Variants in MAP4K4 observed in about 807,000 individuals in gnomAD.
MAP4K4 encodes the protein HPK/GCK-like kinase HGK.
In MAP4K4, 38 loss-of-function variants were observed where a neutral mutation model predicts 189.6. The observed-to-expected ratio is 0.20, with a 90% CI of 0.15 to 0.26. The LOEUF (loss-of-function observed/expected upper bound fraction) is 0.26, where lower values mean the gene tolerates loss of function less well. Ranked by LOEUF, MAP4K4 falls within the 10% of genes least tolerant of loss-of-function variation. MAP4K4 has a pLI of 1.00. For missense variants in MAP4K4, 1,054 were observed against 1,726.9 expected (o/e 0.61, Z 6.91); for synonymous variants, 610 against 624.3 (o/e 0.98, Z 0.34).
Position 101,808,805 on chromosome 2 carries a change from T to TG in MAP4K4, c.181-15122dup, listed in dbSNP as rs2095218863. 2.6e-5 allele frequency among the ~76,000 whole-genome samples: 4 copies of TG among 152,186 alleles called. No homozygotes were observed. The South Asian group carries it at 8.3e-4, about 32-fold the overall frequency. On this transcript the variant is annotated intron_variant, in intron 3 of 32. Coordinates refer to ENST00000324219, the Ensembl canonical transcript of MAP4K4. ...TATATTTTTTTAGTTTCATTGTGTG[T>TG]GTGTGTGTGTGTAAAGTTATTTTTT... is the stretch of plus-strand genomic sequence containing the variant.
At chr2:101,839,082 ATT>A (rs1311016340) in intron 9 of MAP4K4, among the ~76,000 whole-genome samples, 1 of 152,214 alleles carries the variant, frequency 6.6e-6, no homozygotes, top group Non-Finnish European at 1.5e-5. Context: ...TGCCAGGAAG[ATT>A]TACCAGAAGT....
chr2:101,773,985 CA>C (rs2082705156), intron 2 of MAP4K4, among the ~76,000 whole-genome samples: 1 of 152,148 alleles, frequency 6.6e-6, no homozygotes, highest in African/African-American at 2.4e-5. Flanking sequence ...AGGTTGCTTC[CA>C]AATCTTAGCT....
intron 3 of MAP4K4, among the ~76,000 whole-genome samples, chr2:101,822,897 C>G (rs547667529): frequency 7.9e-5 from 12 of 152,310 alleles, no homozygotes; most frequent in Admixed American, 6.5e-4. Context: ...TCAGATTTCT[C>G]TTGATCTTAC....
chr2:101,853,360 C>T (rs1238330855), intron 12 of MAP4K4, among the ~76,000 whole-genome samples: 3 of 152,146 alleles, frequency 2.0e-5, no homozygotes, highest in South Asian at 2.1e-4. Flanking sequence ...CGAACAGACA[C>T]AAGACCTTAT....
chr2:101,710,840 G>A (rs2045068563), intron 2 of MAP4K4, among the ~76,000 whole-genome samples: 1 of 152,158 alleles, frequency 6.6e-6, no homozygotes. Context: ...CATCATCTTG[G>A]TTAATACTAC....
intron 27 of MAP4K4, among the ~76,000 whole-genome samples, chr2:101,878,980 G>A (rs1428878272): frequency 1.3e-5 from 2 of 151,928 alleles, no homozygotes; most frequent in Admixed American, 6.6e-5. Flanking sequence ...TTTTAAGTTG[G>A]AGAAAACAAA....
intron 2 of MAP4K4, among the ~76,000 whole-genome samples, chr2:101,726,688 T>C (rs1030159619): frequency 2.6e-5 from 4 of 152,200 alleles, no homozygotes; most frequent in African/African-American, 7.2e-5. Context: ...GACAGGAGTA[T>C]AGAATATATT....
rs60694018 is a variant in MAP4K4 at position 101,737,149 on chromosome 2, C to T, written c.123+38611C>T. Among the ~76,000 whole-genome samples, 3 of 151,986 alleles carry T rather than the reference C, an allele frequency of 2.0e-5. No individual in the cohort carries two copies. The East Asian group carries it at 5.8e-4, about 29-fold the overall frequency. ...TTTGTCACCTGGGAGAGCTGCCATT[C>T]TGACACTTAGTGCTTTTTAAAATCA... On this transcript the variant is annotated intron_variant, in intron 2 of 32. Transcript: ENST00000324219.
chr2:101,797,889 G>GTTTTTTTTTTTTTTTTTTTTTTTTTTTTT lies in MAP4K4; in HGVS notation c.180+7134_180+7135insTTTTTTTTTTTTTTTTTTTTTTTTTTTTT, dbSNP rs58201235. Reference sequence around the variant, plus strand: ...TGAAGCTTTTTAAAACATTCTTTTAGTTTTTTTTTTTTTTTTTTTTTGGAG... The same window carrying GTTTTTTTTTTTTTTTTTTTTTTTTTTTTT: ...TGAAGCTTTTTAAAACATTCTTTTAGTTTTTTTTTTTTTTTTTTTTTTTTTTTTTTTTTTTTTTTTTTTTTTTTTTGGAG... On this transcript the variant is annotated intron_variant, in intron 3 of 32. Coordinates refer to ENST00000324219, the Ensembl canonical transcript of MAP4K4. Among the ~76,000 whole-genome samples, 15 of 52,322 alleles carry GTTTTTTTTTTTTTTTTTTTTTTTTTTTTT rather than the reference G, an allele frequency of 2.9e-4. 1 individual carries two copies. The highest frequency in any genetic ancestry group is 8.0e-4 in the South Asian group (1 of 1,246). The allele number at this position is 52,322 out of a possible 152,430, so 34.3% of individuals were successfully genotyped here.
chr2:101,866,269 T>C (rs1279711287), intron 18 of MAP4K4, among the ~76,000 whole-genome samples, 159 bp from the exon 19 acceptor site: 1 of 152,226 alleles, frequency 6.6e-6, no homozygotes, highest in Non-Finnish European at 1.5e-5. Flanking sequence ...AATGTCATTA[T>C]ATCTTTTGGT....
intron 2 of MAP4K4, among the ~76,000 whole-genome samples, chr2:101,778,941 T>G (rs1329513083): frequency 6.6e-6 from 1 of 152,188 alleles, no homozygotes; most frequent in Non-Finnish European, 1.5e-5. Context: ...TCTTTCTAGC[T>G]GTGTGACCTT....
At chr2:101,736,250 A>G (rs901770863) in intron 2 of MAP4K4, among the ~76,000 whole-genome samples, 3 of 152,172 alleles carry the variant, frequency 2.0e-5, no homozygotes, top group African/African-American at 7.2e-5. Flanking sequence ...GTGGTTGCCC[A>G]TTGCTGACAG....
intron 3 of MAP4K4, among the ~76,000 whole-genome samples, chr2:101,805,005 C>T (rs1227058390): frequency 2.2e-5 from 3 of 134,006 alleles, no homozygotes; most frequent in African/African-American, 5.7e-5. Context: ...ACCCAGGAGG[C>T]GGAGGTTGCA....
At chr2:101,827,905 A>G (rs1484078277) in intron 5 of MAP4K4, among the ~76,000 whole-genome samples, 1 of 152,222 alleles carries the variant, frequency 6.6e-6, no homozygotes, top group Non-Finnish European at 1.5e-5. Context: ...TTGCTCGAGG[A>G]TAGGTCCTTC....
At chr2:101,855,108 G>A (rs777903231) in intron 12 of MAP4K4, among the ~76,000 whole-genome samples, 14 of 152,168 alleles carry the variant, frequency 9.2e-5, no homozygotes, top group Non-Finnish European at 1.9e-4. Flanking sequence ...CACGTGCCTG[G>A]CATGTCATCT....
At chr2:101,716,729 C>T (rs1290319700) in intron 2 of MAP4K4, among the ~76,000 whole-genome samples, 1 of 152,068 alleles carries the variant, frequency 6.6e-6, no homozygotes, top group African/African-American at 2.4e-5. Flanking sequence ...GGTGGCTCTT[C>T]TATCCATCTC....
rs1334139361 is a variant in MAP4K4, at chr2:101,724,858, C to T, written c.123+26320C>T. On this transcript the variant is annotated intron_variant, in intron 2 of 32. Transcript: ENST00000324219. ...ATGTGCACATAAGGATGTTTTAATC[C>T]ATGATGTACCTAAATGATGGTGGTC... Among the ~76,000 whole-genome samples the T allele has an allele frequency of 3.9e-5, 6 of 152,292 alleles. No individual in the cohort carries two copies. In the South Asian group the frequency reaches 1.0e-3, roughly 26 times the overall value.
intron 21 of MAP4K4, among the ~76,000 whole-genome samples, chr2:101,869,132 TTAAA>T (rs2097906237): frequency 6.6e-6 from 1 of 151,958 alleles, no homozygotes; most frequent in Non-Finnish European, 1.5e-5. Flanking sequence ...AATAAAAACA[TTAAA>T]TATTAAACCT....
At chr2:101,812,121 T>A (rs984901030) in intron 3 of MAP4K4, among the ~76,000 whole-genome samples, 1 of 152,204 alleles carries the variant, frequency 6.6e-6, no homozygotes, top group Admixed American at 6.5e-5. Context: ...CCTCATTATA[T>A]TCAAGATAGG....
Sources: gnomAD v4.1 joint callset for allele counts (sites outside exome capture counted in the v4.1 genomes callset) on GRCh38, gnomAD v4.1.1 for gene constraint, MANE v1.5 for transcripts, NCBI Gene and HGNC (gene_info 2026-07-23, HGNC 2026-07-21) for gene names.